Variants in REDIC1 observed in about 807,000 individuals in gnomAD.
REDIC1 encodes the protein HEI10 Interacting Protein 1.
chr12:39,713,444 A>C, the REDIC1 span, among the ~76,000 whole-genome samples: 1 of 147,430 alleles, frequency 6.8e-6, no homozygotes, highest in Non-Finnish European at 1.5e-5. Flanking sequence ...GTACATATAC[A>C]TATGTATACA....
chr12:39,862,537 A>C, the REDIC1 span, among the ~76,000 whole-genome samples: 1 of 152,232 alleles, frequency 6.6e-6, no homozygotes, highest in African/African-American at 2.4e-5. Context: ...CTAAGATATT[A>C]AACTACTTCT....
chr12:39,903,528 C>T, the REDIC1 span, among the ~76,000 whole-genome samples: 2 of 152,002 alleles, frequency 1.3e-5, no homozygotes, highest in Admixed American at 1.3e-4. Context: ...AAGCTCATGA[C>T]AAGATTCTGG....
At chr12:39,711,040 C>T in the REDIC1 span, among the ~76,000 whole-genome samples, 72 of 151,504 alleles carry the variant, frequency 4.8e-4, no homozygotes, top group African/African-American at 1.5e-3. Context: ...TATCCCACTT[C>T]CTCCTCCCAC....
chr12:39,712,030 A>ATGTATATATACCTACCTGTC, the REDIC1 span, among the ~76,000 whole-genome samples: 1 of 9,628 alleles, frequency 1.0e-4, no homozygotes. Context: ...GTATATATAC[A>ATGTATATATACCTACCTGTC]TGTATATATA....
chr12:39,739,212 GCTCTT>G, the REDIC1 span, among the ~76,000 whole-genome samples: 1 of 152,030 alleles, frequency 6.6e-6, no homozygotes, highest in Non-Finnish European at 1.5e-5. Context: ...TACAACTTTT[GCTCTT>G]CCTATAAAAA....
the REDIC1 span, among the ~76,000 whole-genome samples, chr12:39,748,911 T>A: frequency 1.3e-5 from 2 of 152,064 alleles, no homozygotes; most frequent in Non-Finnish European, 2.9e-5. Context: ...CTGGGACACA[T>A]TTAAAGCAGT....
chr12:39,844,168 T>G, the REDIC1 span, among the ~76,000 whole-genome samples: 1 of 152,088 alleles, frequency 6.6e-6, no homozygotes, highest in Non-Finnish European at 1.5e-5. Context: ...CCTTCCAATA[T>G]AGTTAACTAG....
chr12:39,684,725 G>A, the REDIC1 span: 1 of 593,910 alleles, frequency 1.7e-6, no homozygotes, highest in Non-Finnish European at 2.9e-6. Flanking sequence ...GGGCTCCTTG[G>A]CATGGAGCTT....
chr12:39,738,656 A>C, the REDIC1 span, among the ~76,000 whole-genome samples: 2 of 152,230 alleles, frequency 1.3e-5, no homozygotes, highest in Non-Finnish European at 2.9e-5. Flanking sequence ...AATTGTACTG[A>C]CACCTTATTA....
At chr12:39,690,852 T>G in the REDIC1 span, among the ~76,000 whole-genome samples, 1 of 152,196 alleles carries the variant, frequency 6.6e-6, no homozygotes, top group Non-Finnish European at 1.5e-5. Flanking sequence ...AATAACTTAG[T>G]GTCTTGTCCT....
At chr12:39,640,556 C>T in the REDIC1 span, among the ~76,000 whole-genome samples, 4 of 151,888 alleles carry the variant, frequency 2.6e-5, no homozygotes, top group African/African-American at 7.2e-5. Flanking sequence ...TCAACTTCCT[C>T]TCTGTTCTCT....
the REDIC1 span, among the ~76,000 whole-genome samples, chr12:39,904,705 G>T: frequency 1.3e-5 from 2 of 152,108 alleles, no homozygotes; most frequent in Non-Finnish European, 2.9e-5. Flanking sequence ...GCCCTGCTTT[G>T]CTGCAACCAA....
At chr12:39,833,015 G>A in the REDIC1 span, among the ~76,000 whole-genome samples, 3 of 151,930 alleles carry the variant, frequency 2.0e-5, no homozygotes, top group African/African-American at 7.3e-5. Context: ...AAGTTTCTTA[G>A]CCCCCTGATT....
At chr12:39,785,373 G>A in the REDIC1 span, among the ~76,000 whole-genome samples, 1,143 of 152,316 alleles carry the variant, frequency 7.5e-3, 15 homozygotes, top group African/African-American at 0.026. Context: ...TCCATGTGGC[G>A]TTGAGCCTGT....
chr12:39,785,344 G>A, the REDIC1 span, among the ~76,000 whole-genome samples: 1 of 152,224 alleles, frequency 6.6e-6, no homozygotes, highest in Admixed American at 6.5e-5. Context: ...GAGAGTGGAA[G>A]CCCTAAGCCT....
the REDIC1 span, among the ~76,000 whole-genome samples, chr12:39,725,446 T>A: frequency 6.6e-6 from 1 of 152,174 alleles, no homozygotes; most frequent in African/African-American, 2.4e-5. Flanking sequence ...TATGCTCAAC[T>A]ATTTTCCTAT....
chr12:39,713,005 ATATATACATGTGTATATACGTGTATATG>A, the REDIC1 span, among the ~76,000 whole-genome samples: 7 of 139,576 alleles, frequency 5.0e-5, no homozygotes, highest in Admixed American at 2.8e-4. Context: ...GTGTATATGT[ATATATACATGTGTATATACGTGTATATG>A]TATATATACA....
At chr12:39,656,858 A>G in the REDIC1 span, among the ~76,000 whole-genome samples, 3 of 152,202 alleles carry the variant, frequency 2.0e-5, no homozygotes, top group African/African-American at 7.2e-5. Flanking sequence ...CTTATAGAAT[A>G]AGGCTGTAAA....
chr12:39,859,980 A>G, the REDIC1 span, among the ~76,000 whole-genome samples: 1 of 152,244 alleles, frequency 6.6e-6, no homozygotes, highest in Non-Finnish European at 1.5e-5. Context: ...ACCTAATTGT[A>G]CAAGTCATCT....
Sources: gnomAD v4.1 joint callset for allele counts (sites outside exome capture counted in the v4.1 genomes callset) on GRCh38, gnomAD v4.1.1 for gene constraint, MANE v1.5 for transcripts, NCBI Gene and HGNC (gene_info 2026-07-23, HGNC 2026-07-21) for gene names.